The following DOCK11 variants were observed in gnomAD, a reference collection of about 807,000 sequenced individuals.
DOCK11 encodes dedicator of cytokinesis 11, also known as dedicator of cytokinesis protein 11.
In DOCK11, 70 loss-of-function variants were observed where a neutral mutation model predicts 169.1. That is an observed-to-expected ratio of 0.41 (90% CI 0.34 to 0.51). DOCK11 has a LOEUF of 0.51. Among genes scored for constraint, DOCK11 ranks in the 20% least tolerant of loss-of-function variants. DOCK11 has a pLI of 0.10. For synonymous variants in DOCK11, 529 were observed against 541.3 expected (o/e 0.98, Z 0.32); for missense variants, 1,166 against 1,538.8 (o/e 0.76, Z 4.05).
intron 28 of DOCK11, among the ~76,000 whole-genome samples, chrX:118,613,340 A>G (rs993253505): frequency 1.8e-5 from 2 of 112,043 alleles, no homozygotes; most frequent in Non-Finnish European, 3.8e-5. Flanking sequence ...AGAAGTATAA[A>G]GGAGAGTATG....
At chrX:118,614,634 A>T in intron 28 of DOCK11, 58 bp from the exon 29 acceptor site, 2 of 878,303 alleles carry the variant, frequency 2.3e-6, no homozygotes, top group Non-Finnish European at 3.2e-6. Flanking sequence ...TTACATTTTT[A>T]AAATTTAGAC....
rs754427988 is a variant in DOCK11, at chrX:118,580,597, G to A, written c.1595+418G>A. 2.5e-3 allele frequency among the ~76,000 whole-genome samples: 275 copies of A among 112,039 alleles called. 1 individual carries two copies. The highest frequency in any genetic ancestry group is 8.6e-3 in the African/African-American group (265 of 30,808). ...CTCCCAAAGTGCTGGGATTACAGGC[G>A]TGAGCTACTGTGCCCGGCCAAGAAT... On this transcript the variant is annotated intron_variant, in intron 14 of 52. Transcript: ENST00000276202.
At chrX:118,514,047 G>A (rs951825630) in intron 1 of DOCK11, among the ~76,000 whole-genome samples, 4 of 111,600 alleles carry the variant, frequency 3.6e-5, no homozygotes, top group African/African-American at 9.8e-5. Context: ...ACAAGTGGAG[G>A]TAATTGGATC....
At chrX:118,644,614 A>G in intron 40 of DOCK11, among the ~76,000 whole-genome samples, 1 of 111,925 alleles carries the variant, frequency 8.9e-6, no homozygotes, top group East Asian at 2.8e-4. Context: ...AGAAACAAAT[A>G]CCATCAGGAT....
At chrX:118,672,443 G>T (rs1006927942) in intron 46 of DOCK11, among the ~76,000 whole-genome samples, 4 of 112,029 alleles carry the variant, frequency 3.6e-5, no homozygotes, top group African/African-American at 9.7e-5. Flanking sequence ...TATTTATTTA[G>T]TTTTTTTGAG....
intron 45 of DOCK11, 55 bp from the exon 46 acceptor site, chrX:118,670,968 G>T: frequency 2.7e-6 from 3 of 1,112,550 alleles, no homozygotes; most frequent in Non-Finnish European, 3.6e-6. Context: ...AAATTTATTT[G>T]TCCAAAACTC....
chrX:118,509,755 A>G (rs2057637848), intron 1 of DOCK11, among the ~76,000 whole-genome samples: 1 of 112,372 alleles, frequency 8.9e-6, no homozygotes, highest in African/African-American at 3.2e-5. Flanking sequence ...CAGAAGGCCA[A>G]AATTGGTTTC....
At chrX:118,640,817 G>A (rs963602249) in intron 38 of DOCK11, among the ~76,000 whole-genome samples, 1 of 110,422 alleles carries the variant, frequency 9.1e-6, no homozygotes, top group Non-Finnish European at 1.9e-5. Context: ...TTTTTGAGAC[G>A]GAGTCTCACT....
At chrX:118,666,246 G>A (rs1484906593) in intron 45 of DOCK11, among the ~76,000 whole-genome samples, 1 of 111,981 alleles carries the variant, frequency 8.9e-6, no homozygotes, top group Non-Finnish European at 1.9e-5. Context: ...AACAGAACGA[G>A]ACTGTGTCTC....
chrX:118,545,011 C>T (rs1006359205), intron 4 of DOCK11, among the ~76,000 whole-genome samples: 2 of 109,135 alleles, frequency 1.8e-5, no homozygotes, highest in East Asian at 2.9e-4. Context: ...GTTCTGCCAC[C>T]ACTAACAGCT....
chrX:118,586,570 G>T (rs2013823169), intron 16 of DOCK11, among the ~76,000 whole-genome samples: 1 of 111,484 alleles, frequency 9.0e-6, no homozygotes, highest in Admixed American at 9.5e-5. Context: ...TGAGATTTGG[G>T]TGGAGACACA....
At chrX:118,513,067 G>A (rs896868696) in intron 1 of DOCK11, among the ~76,000 whole-genome samples, 2 of 111,546 alleles carry the variant, frequency 1.8e-5, no homozygotes, top group African/African-American at 6.5e-5. Context: ...CTCTTCTGTG[G>A]ATCTGGCTGC....
chrX:118,636,444 T>A (rs1387856873), intron 36 of DOCK11, 32 bp downstream of exon 36: 1 of 809,348 alleles, frequency 1.2e-6, no homozygotes, highest in Admixed American at 3.5e-5. Flanking sequence ...TCATATACTT[T>A]CCCCTTATTT....
intron 1 of DOCK11, among the ~76,000 whole-genome samples, chrX:118,528,538 C>T (rs2011432695): frequency 1.8e-5 from 2 of 111,513 alleles, no homozygotes; most frequent in African/African-American, 6.5e-5. Flanking sequence ...CTGTGTCAGA[C>T]ACCTTGATAG....
intron 1 of DOCK11, among the ~76,000 whole-genome samples, chrX:118,530,485 A>T (rs914593942): frequency 8.9e-6 from 1 of 112,399 alleles, no homozygotes; most frequent in Non-Finnish European, 1.9e-5. Flanking sequence ...TTGACTTGGC[A>T]TATGTGGTCC....
intron 40 of DOCK11, among the ~76,000 whole-genome samples, chrX:118,647,618 TAA>T (rs1274412433): frequency 1.5e-5 from 1 of 65,116 alleles, no homozygotes; most frequent in African/African-American, 6.4e-5. Context: ...ATATAATATA[TAA>T]GATATATTAT....
At chrX:118,674,680 A>G (rs1280383331) in intron 46 of DOCK11, among the ~76,000 whole-genome samples, 1 of 112,151 alleles carries the variant, frequency 8.9e-6, no homozygotes. Context: ...TTGAATATAT[A>G]CTAGGGAGTA....
intron 35 of DOCK11, among the ~76,000 whole-genome samples, chrX:118,631,355 TTAAAA>T (rs199582742): frequency 0.071 from 7,918 of 111,243 alleles, 215 homozygotes; most frequent in Non-Finnish European, 0.08. Flanking sequence ...TATAGAAACA[TTAAAA>T]TAAATAGCTA....
intron 23 of DOCK11, among the ~76,000 whole-genome samples, chrX:118,603,283 G>A (rs973968428): frequency 1.3e-4 from 15 of 112,796 alleles, no homozygotes; most frequent in African/African-American, 4.2e-4. Context: ...GGGACAGGCC[G>A]GGTATGTCGT....
Sources: gnomAD v4.1 joint callset for allele counts (sites outside exome capture counted in the v4.1 genomes callset) on GRCh38, gnomAD v4.1.1 for gene constraint, MANE v1.5 for transcripts, NCBI Gene and HGNC (gene_info 2026-07-23, HGNC 2026-07-21) for gene names.